Variants in NCALD observed in about 807,000 individuals in gnomAD.
NCALD encodes neurocalcin-delta.
A neutral mutation model predicts 18.6 loss-of-function variants in NCALD; 10 were observed. The observed-to-expected ratio is 0.54, with a 90% CI of 0.33 to 0.91. NCALD has a LOEUF of 0.91. NCALD is among the 40% of genes least tolerant of loss of function. The pLI is 0.03. For synonymous variants in NCALD, 88 were observed against 87.4 expected, an observed-to-expected ratio of 1.01 and a Z score of -0.04; for missense variants, 184 against 247.6, an observed-to-expected ratio of 0.74 and a Z score of 1.72.
intron 1 of NCALD, among the ~76,000 whole-genome samples, chr8:101,748,051 G>A (rs1261857708): frequency 6.6e-6 from 1 of 152,142 alleles, no homozygotes; most frequent in East Asian, 1.9e-4. Flanking sequence ...ATAATGGAAT[G>A]AGAAAAGCTC....
At chr8:101,827,606 A>C (rs1653845608) in intron 4 of NCALD, among the ~76,000 whole-genome samples, 1 of 152,220 alleles carries the variant, frequency 6.6e-6, no homozygotes, top group African/African-American at 2.4e-5. Flanking sequence ...TCAGGGATTC[A>C]CACTGCATTC....
intron 3 of NCALD, among the ~76,000 whole-genome samples, chr8:101,914,346 C>T (rs1817904730): frequency 6.6e-6 from 1 of 152,116 alleles, no homozygotes; most frequent in Non-Finnish European, 1.5e-5. Context: ...CCCTTCTCAT[C>T]ACATCATGTC....
At chr8:101,952,216 C>T (rs988205265) in intron 2 of NCALD, among the ~76,000 whole-genome samples, 12 of 152,108 alleles carry the variant, frequency 7.9e-5, no homozygotes, top group Admixed American at 4.6e-4. Context: ...GTCTTGTCCA[C>T]GCAAAGAATG....
intron 1 of NCALD, among the ~76,000 whole-genome samples, chr8:101,734,967 G>GAAC (rs1817009212): frequency 6.6e-6 from 1 of 152,128 alleles, no homozygotes; most frequent in African/African-American, 2.4e-5. Flanking sequence ...AGAGGACGTA[G>GAAC]AACAACTGTT....
In NCALD at chr8:102,001,745, T is replaced by TACAACCCAGAA. The variant is rs1563528685; in HGVS notation, c.-157+18491_-157+18492insTTCTGGGTTGT. Among the ~76,000 whole-genome samples the TACAACCCAGAA allele has an allele frequency of 2.8e-4, 43 of 152,298 alleles. 1 individual carries two copies. Among genetic ancestry groups the TACAACCCAGAA allele is most frequent in the African/African-American group, 1.0e-3 (42 of 41,562 alleles). ...TTCGACATTCTTAAAGAAAAGAATT[T>TACAACCCAGAA]TCAACCCAGAATTTCATATCCAGCC... On this transcript the variant is annotated intron_variant, in intron 2 of 6. Coordinates refer to the NCALD transcript ENST00000311028.
At chr8:101,988,176 A>G (rs896387596) in intron 2 of NCALD, among the ~76,000 whole-genome samples, 13 of 151,034 alleles carry the variant, frequency 8.6e-5, no homozygotes, top group Non-Finnish European at 1.9e-4. Context: ...AAGAAAAAAA[A>G]AAAGAAAAGA....
chr8:101,696,979 A>G (rs572319771), intron 2 of NCALD, among the ~76,000 whole-genome samples: 2 of 152,332 alleles, frequency 1.3e-5, no homozygotes, highest in African/African-American at 4.8e-5. Context: ...CAGAGACACA[A>G]AAAACCCTTC....
intron 1 of NCALD, among the ~76,000 whole-genome samples, chr8:102,091,264 C>A (rs73279694): frequency 0.027 from 4,116 of 152,232 alleles, 179 homozygotes; most frequent in African/African-American, 0.091. Flanking sequence ...TAAAGCAAAT[C>A]AGTCTTACCA....
At chr8:101,818,700 A>G (rs1230415477) in intron 4 of NCALD, among the ~76,000 whole-genome samples, 1 of 152,280 alleles carries the variant, frequency 6.6e-6, no homozygotes, top group East Asian at 1.9e-4. Flanking sequence ...CCTATTATAA[A>G]TAACAATATA....
At chr8:101,690,795 G>A (rs1586209352) in intron 3 of NCALD, 1 of 985,384 alleles carries the variant, frequency 1.0e-6, no homozygotes, top group Non-Finnish European at 1.2e-6. Context: ...TAGTTACAAT[G>A]GTAATGACTT....
chr8:102,090,701 A>G (rs1228990276), intron 1 of NCALD, among the ~76,000 whole-genome samples: 2 of 152,248 alleles, frequency 1.3e-5, no homozygotes, highest in Non-Finnish European at 2.9e-5. Flanking sequence ...ACTTCTGTGA[A>G]CAAAATTTGG....
intron 2 of NCALD, among the ~76,000 whole-genome samples, chr8:101,939,285 A>G (rs1818869035): frequency 6.6e-6 from 1 of 152,224 alleles, no homozygotes; most frequent in South Asian, 2.1e-4. Context: ...TATTTTTTCA[A>G]TGCTAGAGAA....
intron 1 of NCALD, among the ~76,000 whole-genome samples, chr8:101,782,768 A>G (rs1477470524): frequency 6.6e-6 from 1 of 152,200 alleles, no homozygotes; most frequent in Admixed American, 6.5e-5. Flanking sequence ...TCTCAATGCC[A>G]TATATCCTCT....
chr8:101,717,001 G>A (rs1373498744), intron 2 of NCALD, among the ~76,000 whole-genome samples: 1 of 152,164 alleles, frequency 6.6e-6, no homozygotes, highest in Non-Finnish European at 1.5e-5. Flanking sequence ...ACACCCCTGA[G>A]GAAACCTTAA....
At chr8:101,731,568 T>C (rs1422768858) in intron 1 of NCALD, among the ~76,000 whole-genome samples, 1 of 152,132 alleles carries the variant, frequency 6.6e-6, no homozygotes, top group African/African-American at 2.4e-5. Flanking sequence ...ACATGTGAGT[T>C]TGGCATTTGC....
In NCALD at chr8:101,701,242, C is replaced by T. The variant is rs62519275; in HGVS notation, c.379-8346G>A. Among the ~76,000 whole-genome samples, 572 of 152,262 alleles carry T rather than the reference C, an allele frequency of 3.8e-3. 4 individuals are homozygous for T. Among genetic ancestry groups the T allele is most frequent in the Non-Finnish European group, 6.4e-3 (437 of 68,000 alleles). ...TAGCACAGAGGAGAAAAATACAACC[C>T]CAGACAGCCATCTGAGACAAATCAT... On this transcript the variant is annotated intron_variant, in intron 2 of 3. Coordinates refer to ENST00000220931, the MANE Select transcript of NCALD (RefSeq NM_032041.3).
chr8:102,014,327 T>A (rs112981831), intron 2 of NCALD, among the ~76,000 whole-genome samples: 1 of 152,148 alleles, frequency 6.6e-6, no homozygotes, highest in African/African-American at 2.4e-5. Flanking sequence ...AAAATTCCCA[T>A]AGGTTTCTTT....
chr8:101,813,237 C>A (rs1307433269), intron 4 of NCALD, among the ~76,000 whole-genome samples: 2 of 151,996 alleles, frequency 1.3e-5, no homozygotes. Context: ...AAGGATATGA[C>A]CTTTGAGTCA....
chr8:101,968,924 A>C (rs1242343887), intron 2 of NCALD, among the ~76,000 whole-genome samples: 2 of 152,170 alleles, frequency 1.3e-5, no homozygotes, highest in Non-Finnish European at 2.9e-5. Flanking sequence ...TTGCTAGCAA[A>C]ATGCAATCCA....
Sources: allele counts gnomAD v4.1 joint callset (sites outside exome capture counted in the v4.1 genomes callset), GRCh38; gene constraint gnomAD v4.1.1; transcripts MANE v1.5; gene names NCBI Gene and HGNC (gene_info 2026-07-23, HGNC 2026-07-21).